Variants in RAP1GAP2 observed in about 807,000 individuals in gnomAD.
The protein encoded by RAP1GAP2 is RAP1 GTPase activating protein 2, also known as rap1 GTPase-activating protein 2.
In RAP1GAP2, 27 loss-of-function variants were observed where a neutral mutation model predicts 95.0. The observed-to-expected ratio is 0.28, with a 90% CI of 0.21 to 0.39. The LOEUF (loss-of-function observed/expected upper bound fraction) is 0.39. Ranked by LOEUF, RAP1GAP2 falls within the 10% of genes least tolerant of loss-of-function variation. The probability of loss-of-function intolerance (pLI) is 1.00; values close to 1 mark genes in which losing one functional copy is unlikely to be tolerated. For missense variants in RAP1GAP2, 771 were observed against 970.0 expected (o/e 0.79, Z 2.72); for synonymous variants, 373 against 380.9 (o/e 0.98, Z 0.24).
chr17:2,876,100 G>A (rs1425937495), intron 2 of RAP1GAP2, among the ~76,000 whole-genome samples: 1 of 151,790 alleles, frequency 6.6e-6, no homozygotes, highest in Non-Finnish European at 1.5e-5. Flanking sequence ...CCCACGCCCG[G>A]CTAATTTTTT....
chr17:2,956,098 A>G (rs1215104338), intron 3 of RAP1GAP2, among the ~76,000 whole-genome samples: 1 of 152,172 alleles, frequency 6.6e-6, no homozygotes, highest in Non-Finnish European at 1.5e-5. Flanking sequence ...TAAGCTCTTT[A>G]CGTCTGCTAA....
intron 2 of RAP1GAP2, among the ~76,000 whole-genome samples, chr17:2,880,208 AGTGT>A (rs1289497760): frequency 6.6e-6 from 1 of 150,970 alleles, no homozygotes; most frequent in Non-Finnish European, 1.5e-5. Flanking sequence ...GGGGGATGGG[AGTGT>A]GGGTGAGAGA....
Position 2,800,237 on chromosome 17 carries a change from A to G in RAP1GAP2, c.45-278A>G, listed in dbSNP as rs560769792. ...CCTGACGTGAGATACCTGAATTCAG[A>G]CTGGGCCAGTGATTTTACCTTTCTG... On this transcript the variant is annotated intron_variant, in intron 1 of 24. Transcript: ENST00000254695. 75 of 985,014 alleles carry G rather than the reference A, an allele frequency of 7.6e-5. 1 individual carries two copies. In the South Asian group the frequency reaches 2.1e-3, roughly 27 times the overall value. 61.0% of individuals were successfully genotyped at this position (985,014 alleles called of 1,614,324 possible).
At chr17:2,838,508 A>T (rs1002005263) in intron 2 of RAP1GAP2, among the ~76,000 whole-genome samples, 1 of 152,060 alleles carries the variant, frequency 6.6e-6, no homozygotes, top group Non-Finnish European at 1.5e-5. Context: ...CTGTACTGGG[A>T]TGGTGACCTG....
intron 13 of RAP1GAP2, among the ~76,000 whole-genome samples, chr17:2,995,959 G>T (rs1273980347): frequency 7.0e-6 from 1 of 143,542 alleles, no homozygotes; most frequent in African/African-American, 2.6e-5. Context: ...AAAATGGGGG[G>T]TAACACCACC....
chr17:2,755,857 G>A, intron 1 of RAP1GAP2: 1 of 330,770 alleles, frequency 3.0e-6, no homozygotes, highest in Non-Finnish European at 5.5e-6. Context: ...CGGGCCCAAA[G>A]TTTCGTCCCG....
chr17:2,767,386 AAG>A (rs2068297113), intron 1 of RAP1GAP2, among the ~76,000 whole-genome samples: 2 of 147,440 alleles, frequency 1.4e-5, no homozygotes, highest in East Asian at 2.0e-4. Flanking sequence ...AAAAAAAAAA[AAG>A]GTTGGAATAG....
chr17:2,901,522 C>T (rs2042026050), intron 2 of RAP1GAP2, among the ~76,000 whole-genome samples: 1 of 152,132 alleles, frequency 6.6e-6, no homozygotes, highest in South Asian at 2.1e-4. Flanking sequence ...GGTTTTCAAT[C>T]TCAGTGCCAT....
chr17:2,889,985 A>G (rs1413067241), intron 2 of RAP1GAP2, among the ~76,000 whole-genome samples: 1 of 147,916 alleles, frequency 6.8e-6, no homozygotes, highest in Non-Finnish European at 1.5e-5. Flanking sequence ...TGGCCTCCCA[A>G]AGTGCTGGGA....
At chr17:2,901,206 C>T (rs1399201378) in intron 2 of RAP1GAP2, among the ~76,000 whole-genome samples, 3 of 152,208 alleles carry the variant, frequency 2.0e-5, no homozygotes, top group Non-Finnish European at 4.4e-5. Flanking sequence ...GGAAAAGAAT[C>T]CCAGAGCAGG....
At chr17:3,023,899 T>C (rs1053035955) in intron 19 of RAP1GAP2, among the ~76,000 whole-genome samples, 28 of 151,940 alleles carry the variant, frequency 1.8e-4, no homozygotes, top group Admixed American at 4.6e-4. Context: ...AGCGAGAACA[T>C]GTGGTGTTTG....
chr17:2,963,823 C>G lies in RAP1GAP2; in HGVS notation c.280-33C>G, dbSNP rs1431259771. On this transcript the variant is annotated intron_variant, in intron 6 of 24. Transcript: ENST00000254695. This position sits in a 1 kb window ranked among gnomAD's most constrained non-coding sequence, Gnocchi z 4.8. ...CGGCCCCCTCCCTCCCCTGCGGTCC[C>G]AGGGGAGCGCACGACCCTCCCTCTG... 3 of 1,521,254 alleles carry G rather than the reference C, an allele frequency of 2.0e-6. No individual in the cohort carries two copies. In the South Asian group the frequency reaches 3.7e-5, roughly 19 times the overall value. The allele number at this position is 1,521,254 out of a possible 1,614,324, so 94.2% of individuals were successfully genotyped here. A position where few individuals can be genotyped will look rare whatever the true frequency, so the allele number is the denominator to read the frequency against.
intron 2 of RAP1GAP2, among the ~76,000 whole-genome samples, chr17:2,820,903 T>TTTTTTTTTTTTTTTTTTTTTTG (rs1567678183): frequency 2.1e-5 from 3 of 145,868 alleles, no homozygotes; most frequent in Admixed American, 7.0e-5. Flanking sequence ...TTTTTTTTTT[T>TTTTTTTTTTTTTTTTTTTTTTG]TTTTTTGTAT....
chr17:2,808,560 C>T (rs1246002153), intron 2 of RAP1GAP2, among the ~76,000 whole-genome samples: 6 of 152,122 alleles, frequency 3.9e-5, no homozygotes, highest in Non-Finnish European at 5.9e-5. Flanking sequence ...AGCAGCTGCA[C>T]GGCGTCCCCT....
chr17:3,026,696 G>A (rs116811880), intron 21 of RAP1GAP2, among the ~76,000 whole-genome samples: 4,532 of 152,302 alleles, frequency 0.03, 218 homozygotes, highest in African/African-American at 0.1. Flanking sequence ...GGCCAGACCC[G>A]ATGGTGCCCT....
In RAP1GAP2 at chr17:2,963,036, A is replaced by G; in HGVS notation, c.246+322A>G. 1.9e-6 allele frequency: 1 copy of G among 518,266 alleles called. No homozygotes were observed. Among genetic ancestry groups the G allele is most frequent in the Non-Finnish European group, 3.4e-6 (1 of 292,392 alleles). The allele number at this position is 518,266 out of a possible 1,614,324, so 32.1% of individuals were successfully genotyped here. ...TGTCAGGCTCTGTGCCCCGGGTTCC[A>G]GTGGGCAGTCAGCTCTCAGCTTCCC... On this transcript the variant is annotated intron_variant, in intron 5 of 24. Coordinates refer to ENST00000254695, the MANE Select transcript of RAP1GAP2 (RefSeq NM_015085.5). The surrounding 1 kb of genome is among the most constrained non-coding windows in gnomAD (Gnocchi z 4.8).
At chr17:2,931,106 A>T (rs549599046) in intron 3 of RAP1GAP2, among the ~76,000 whole-genome samples, 1 of 132,300 alleles carries the variant, frequency 7.6e-6, no homozygotes, top group East Asian at 2.3e-4. Flanking sequence ...TGGGTGACAG[A>T]GCGAGACTCC....
At chr17:2,826,147 ATTTT>A (rs71150901) in intron 2 of RAP1GAP2, among the ~76,000 whole-genome samples, 24 of 108,864 alleles carry the variant, frequency 2.2e-4, no homozygotes, top group African/African-American at 4.1e-4. Flanking sequence ...CGCCCAGCAA[ATTTT>A]TTTTTTTTTT....
At position 3,020,744 on chromosome 17, in the gene RAP1GAP2, T is replaced by G. The variant is rs556048312; in HGVS notation, c.1751+149T>G. 19 of 672,654 alleles carry G rather than the reference T, an allele frequency of 2.8e-5. No homozygotes were observed. In the East Asian group the frequency reaches 5.3e-4, roughly 19 times the overall value. The allele number at this position is 672,654 out of a possible 1,614,324, so 41.7% of individuals were successfully genotyped here. On this transcript the variant is annotated intron_variant, in intron 19 of 24. Coordinates refer to ENST00000254695, the MANE Select transcript of RAP1GAP2 (RefSeq NM_015085.5). The stretch of plus-strand genomic sequence containing the variant: ...TGCCTTCAGGCACCTGTGTGTCCCC[T>G]GTCACTCACTCAGCTCTTTATCCAA...
Sources: gnomAD v4.1 joint callset for allele counts (sites outside exome capture counted in the v4.1 genomes callset) on GRCh38, gnomAD v4.1.1 for gene constraint, Gnocchi (gnomAD v3.1) non-coding constraint, MANE v1.5 for transcripts, NCBI Gene and HGNC (gene_info 2026-07-23, HGNC 2026-07-21) for gene names.